Variants in ZNF143 observed in about 807,000 individuals in gnomAD.
ZNF143 encodes SPH-binding factor.
ZNF143 carries 49 observed loss-of-function variants against 74.1 expected under a neutral mutation model. That is an observed-to-expected ratio of 0.66 (90% CI 0.53 to 0.84). ZNF143 has a LOEUF of 0.84. Among genes scored for constraint, ZNF143 ranks in the 40% least tolerant of loss-of-function variants. The pLI is 0.00. For missense variants in ZNF143, 637 were observed against 793.4 expected, an observed-to-expected ratio of 0.80 and a Z score of 2.37; for synonymous variants, 304 against 282.8, an observed-to-expected ratio of 1.07 and a Z score of -0.75.
At chr11:9,525,796 G>T (rs1312857569) in intron 15 of ZNF143, among the ~76,000 whole-genome samples, 1 of 152,098 alleles carries the variant, frequency 6.6e-6, no homozygotes, top group Admixed American at 6.6e-5. Flanking sequence ...TTTAAAGTGG[G>T]GAATGTCAGA....
In ZNF143 at chr11:9,512,616, C is replaced by T. The variant is rs371853702; in HGVS notation, c.1524+20C>T. The T allele has an allele frequency of 9.3e-6, 15 of 1,612,024 alleles. No homozygotes were observed. Among genetic ancestry groups the T allele is most frequent in the Non-Finnish European group, 1.3e-5 (15 of 1,178,398 alleles). On this transcript the variant is annotated intron_variant, in intron 13 of 15. Transcript: ENST00000396602. ...CAGCATGTAAGTATCCACCAAAAGC[C>T]AAACAAATTAAATCTTTCTGTGAAC...
intron 1 of ZNF143, among the ~76,000 whole-genome samples, chr11:9,466,050 T>C (rs1033654758): frequency 1.3e-5 from 2 of 151,760 alleles, no homozygotes; most frequent in African/African-American, 4.8e-5. Flanking sequence ...TGGCTAGATC[T>C]CGGCTCACTG....
At chr11:9,519,830 A>C (rs944444339) in intron 14 of ZNF143, among the ~76,000 whole-genome samples, 1 of 151,930 alleles carries the variant, frequency 6.6e-6, no homozygotes, top group African/African-American at 2.4e-5. Flanking sequence ...GCTGTCATAC[A>C]CTCCCACTAG....
intron 12 of ZNF143, among the ~76,000 whole-genome samples, chr11:9,509,506 G>C (rs965864145): frequency 6.6e-6 from 1 of 152,188 alleles, no homozygotes; most frequent in Non-Finnish European, 1.5e-5. Flanking sequence ...GTAGGTAAAA[G>C]GAAGTCGGTT....
At chr11:9,465,063 T>C (rs1341109884) in intron 1 of ZNF143, among the ~76,000 whole-genome samples, 1 of 152,360 alleles carries the variant, frequency 6.6e-6, no homozygotes. Flanking sequence ...CAAAATGTTA[T>C]GTATATGATA....
chr11:9,505,569 G>A (rs919343429), intron 11 of ZNF143, among the ~76,000 whole-genome samples: 1 of 151,508 alleles, frequency 6.6e-6, no homozygotes, highest in Admixed American at 6.6e-5. Context: ...ATGTACCTAC[G>A]AATGAGTTCA....
chr11:9,499,796 G>C (rs545695834), intron 10 of ZNF143, among the ~76,000 whole-genome samples: 1 of 152,140 alleles, frequency 6.6e-6, no homozygotes, highest in Non-Finnish European at 1.5e-5. Context: ...CCCTTCCCCA[G>C]AAGTTGTTTG....
intron 14 of ZNF143, among the ~76,000 whole-genome samples, chr11:9,521,872 C>T (rs1848942570): frequency 6.6e-6 from 1 of 151,672 alleles, no homozygotes; most frequent in Non-Finnish European, 1.5e-5. Flanking sequence ...TCAAGACCAA[C>T]CCAGGGCAAC....
At chr11:9,476,935 ATTT>A (rs896053140) in intron 5 of ZNF143, among the ~76,000 whole-genome samples, 1 of 146,966 alleles carries the variant, frequency 6.8e-6, no homozygotes, top group Admixed American at 6.8e-5. Context: ...AATTTTTTGT[ATTT>A]TTTTTAGTAG....
intron 11 of ZNF143, among the ~76,000 whole-genome samples, chr11:9,503,951 CTTTTTTTTTTTTTTT>C (rs35371465): frequency 3.8e-5 from 2 of 53,088 alleles, no homozygotes; most frequent in Non-Finnish European, 8.2e-5. Flanking sequence ...CACGCCTTGC[CTTTTTTTTTTTTTTT>C]TTTTTTTTTT....
chr11:9,473,670 C>T, intron 3 of ZNF143: 1 of 899,474 alleles, frequency 1.1e-6, no homozygotes. Flanking sequence ...TAAAGCAGTC[C>T]AACTCATGTA....
intron 7 of ZNF143, among the ~76,000 whole-genome samples, chr11:9,484,423 C>T (rs1298678545): frequency 1.3e-5 from 2 of 150,706 alleles, no homozygotes; most frequent in African/African-American, 2.5e-5. Flanking sequence ...CCTTGTTGGC[C>T]AGGCTGATCA....
chr11:9,503,702 G>A (rs892054829), intron 11 of ZNF143, among the ~76,000 whole-genome samples: 8 of 151,150 alleles, frequency 5.3e-5, no homozygotes, highest in African/African-American at 1.7e-4. Flanking sequence ...GAGTGTAGTG[G>A]TGTGATCTCA....
intron 7 of ZNF143, among the ~76,000 whole-genome samples, chr11:9,482,480 C>T (rs1170372088): frequency 6.6e-6 from 1 of 151,170 alleles, no homozygotes; most frequent in African/African-American, 2.5e-5. Context: ...CTGTGTTAGC[C>T]AGGATGGTCT....
chr11:9,489,208 T>G (rs540623510), intron 7 of ZNF143, among the ~76,000 whole-genome samples: 41 of 152,210 alleles, frequency 2.7e-4, no homozygotes, highest in Non-Finnish European at 4.9e-4. Flanking sequence ...GAGGTCTGTT[T>G]TGAGTAATTA....
chr11:9,509,383 A>C (rs1253857138), intron 12 of ZNF143, among the ~76,000 whole-genome samples: 12 of 152,206 alleles, frequency 7.9e-5, no homozygotes, highest in Non-Finnish European at 1.8e-4. Context: ...TCATTGATTC[A>C]GGTGCTATTA....
intron 1 of ZNF143, chr11:9,463,846 C>T (rs1185477929): frequency 6.6e-6 from 1 of 152,206 alleles, no homozygotes; most frequent in African/African-American, 2.4e-5. Flanking sequence ...ACTCCACCCT[C>T]ATAGCATAGT....
At chr11:9,467,490 C>G (rs569148545) in intron 1 of ZNF143, among the ~76,000 whole-genome samples, 2 of 152,126 alleles carry the variant, frequency 1.3e-5, no homozygotes, top group African/African-American at 4.8e-5. Flanking sequence ...CCCGCCTCAG[C>G]CTTTCAAAGT....
At chr11:9,507,264 C>G (rs567233885) in intron 11 of ZNF143, among the ~76,000 whole-genome samples, 1 of 152,278 alleles carries the variant, frequency 6.6e-6, no homozygotes, top group South Asian at 2.1e-4. Flanking sequence ...TACACACTTT[C>G]ATATGTACAT....
Sources: allele counts gnomAD v4.1 joint callset (sites outside exome capture counted in the v4.1 genomes callset), GRCh38; gene constraint gnomAD v4.1.1; transcripts MANE v1.5; gene names NCBI Gene and HGNC (gene_info 2026-07-23, HGNC 2026-07-21).